SLC1A6: variants seen among roughly 807,000 people sequenced by gnomAD.
The protein encoded by SLC1A6 is solute carrier family 1 member 6.
In SLC1A6, 15 loss-of-function variants were observed where a neutral mutation model predicts 42.1. The observed-to-expected ratio is 0.36, with a 90% CI of 0.24 to 0.55. The LOEUF (loss-of-function observed/expected upper bound fraction) is 0.55. Ranked by LOEUF, SLC1A6 falls within the 20% of genes least tolerant of loss-of-function variation. SLC1A6 has a pLI of 0.88. For missense variants in SLC1A6, 542 were observed against 772.5 expected (o/e 0.70, Z 3.54); for synonymous variants, 317 against 319.7 (o/e 0.99, Z 0.09).
chr19:14,989,787 T>C (rs1466916617), intron 1 of SLC1A6, among the ~76,000 whole-genome samples: 1 of 147,106 alleles, frequency 6.8e-6, no homozygotes, highest in Admixed American at 6.8e-5. Flanking sequence ...AGGTTAGGAG[T>C]TCGAGACCAG....
chr19:14,981,619 T>C (rs1005059057), upstream of SLC1A6, among the ~76,000 whole-genome samples: 2 of 152,192 alleles, frequency 1.3e-5, no homozygotes, highest in Non-Finnish European at 2.9e-5. Flanking sequence ...TTGGATGTGC[T>C]AGAGGCTGGA....
chr19:14,990,509 C>T (rs532542846), intron 1 of SLC1A6, among the ~76,000 whole-genome samples: 3 of 152,280 alleles, frequency 2.0e-5, no homozygotes, highest in East Asian at 3.9e-4. Context: ...GTGGCTCATG[C>T]CTGTAGTCCC....
At chr19:14,991,950 C>T (rs113953259) in intron 1 of SLC1A6, among the ~76,000 whole-genome samples, 24,038 of 151,902 alleles carry the variant, frequency 0.16, 2,125 homozygotes, top group Middle Eastern at 0.23. Context: ...CTCAGCCTCC[C>T]GAGTAGCTGG....
intron 1 of SLC1A6, among the ~76,000 whole-genome samples, chr19:14,988,282 C>T (rs2045802577): frequency 6.6e-6 from 1 of 152,170 alleles, no homozygotes; most frequent in Non-Finnish European, 1.5e-5. Flanking sequence ...CCCCAGCTGT[C>T]TTATTTGTGT....
At position 14,979,050 on chromosome 19, in the gene SLC1A6, TCACA is replaced by T. The variant is rs56317513; in HGVS notation, c.-8+255_-8+258del. ...CAAATTCAGTCTCTCTCTCTCTCTG[TCACA>T]CACACACACACACACACACACACAC... On this transcript the variant is annotated intron_variant, in intron 1 of 9. Transcript: ENST00000594383. The surrounding 1 kb of genome is among the most constrained non-coding windows in gnomAD (Gnocchi z 4.2). 0.059 allele frequency among the ~76,000 whole-genome samples: 7,700 copies of T among 131,268 alleles called. 305 individuals carry two copies. Among genetic ancestry groups the T allele is most frequent in the African/African-American group, 0.094 (3,292 of 35,164 alleles). 86.1% of individuals were successfully genotyped at this position (131,268 alleles called of 152,430 possible).
At chr19:14,990,923 G>A (rs1167543610) in intron 1 of SLC1A6, among the ~76,000 whole-genome samples, 1 of 152,152 alleles carries the variant, frequency 6.6e-6, no homozygotes, top group East Asian at 1.9e-4. Flanking sequence ...GTGAACTTTG[G>A]AAGGCAATGC....
intron 1 of SLC1A6, among the ~76,000 whole-genome samples, chr19:15,002,278 TTTGGG>T (rs1446997900): frequency 1.3e-5 from 2 of 151,838 alleles, no homozygotes; most frequent in African/African-American, 4.8e-5. Context: ...TTTGGTTTGG[TTTGGG>T]TTGGGTTTTT....
intron 6 of SLC1A6, 118 bp downstream of exon 6, chr19:14,961,884 A>G: frequency 6.9e-7 from 1 of 1,447,512 alleles, no homozygotes; most frequent in Non-Finnish European, 9.1e-7. Context: ...TGGGTAAGTG[A>G]ATCACCCAAT....
chr19:14,956,045 A>G (rs2045459781), intron 7 of SLC1A6, among the ~76,000 whole-genome samples: 1 of 152,234 alleles, frequency 6.6e-6, no homozygotes, highest in Non-Finnish European at 1.5e-5. Context: ...CTACAAAAGA[A>G]GAAGAGGAGG....
chr19:14,956,983 C>A (rs572930627), intron 6 of SLC1A6, among the ~76,000 whole-genome samples: 33 of 152,276 alleles, frequency 2.2e-4, no homozygotes, highest in African/African-American at 7.7e-4. Flanking sequence ...TTTCAGGTCT[C>A]TCCTGTACCT....
intron 1 of SLC1A6, chr19:14,977,369 CA>C (rs2045722907): frequency 6.6e-6 from 1 of 152,198 alleles, no homozygotes; most frequent in East Asian, 1.9e-4. Flanking sequence ...TTTCAAGCTA[CA>C]ATGCCTGAGT....
At chr19:14,968,243 T>C in intron 4 of SLC1A6, 60 bp downstream of exon 4, 1 of 1,358,738 alleles carries the variant, frequency 7.4e-7, no homozygotes. Flanking sequence ...TATAATCTTT[T>C]ACAATAAATA....
intron 7 of SLC1A6, 50 bp downstream of exon 7, chr19:14,956,426 G>T: frequency 1.6e-6 from 2 of 1,266,466 alleles, no homozygotes; most frequent in South Asian, 1.5e-5. Context: ...GGACATGAAG[G>T]ACAAGAAGTG....
chr19:14,955,460 T>TA (rs1427605973), intron 7 of SLC1A6, among the ~76,000 whole-genome samples: 1 of 149,904 alleles, frequency 6.7e-6, no homozygotes. Flanking sequence ...CCGGGAGGGC[T>TA]AAAAAATTAG....
At position 14,996,567 on chromosome 19, in the gene SLC1A6, C is replaced by CTTCTTCTTCTTCTTCTTA. The variant is rs1214405552; in HGVS notation, c.6+13917_6+13918insTAAGAAGAAGAAGAAGAA. ...TCTTCTTCTTCTTCTTCTTGTTCTT[C>CTTCTTCTTCTTCTTCTTA]TTCCTCTTCTTCTTCTTCCTCTCAT... is the stretch of plus-strand genomic sequence containing the variant. On this transcript the variant is annotated intron_variant, in intron 1 of 8. Transcript: ENST00000430939. Among the ~76,000 whole-genome samples, 103 of 150,600 alleles carry CTTCTTCTTCTTCTTCTTA rather than the reference C, an allele frequency of 6.8e-4. 1 individual carries two copies. Among genetic ancestry groups the CTTCTTCTTCTTCTTCTTA allele is most frequent in the Non-Finnish European group, 1.1e-3 (73 of 67,780 alleles).
intron 1 of SLC1A6, among the ~76,000 whole-genome samples, chr19:14,990,789 A>C (rs199895139): frequency 1.1e-3 from 119 of 109,692 alleles, no homozygotes; most frequent in Middle Eastern, 4.5e-3. Context: ...AACAAAACAA[A>C]AAAAAAAAAA....
chr19:14,999,397 C>T (rs918887735), intron 1 of SLC1A6, among the ~76,000 whole-genome samples: 2 of 152,194 alleles, frequency 1.3e-5, no homozygotes, highest in Non-Finnish European at 2.9e-5. Flanking sequence ...CTCAAGTTGT[C>T]CCGTCTTTCT....
chr19:14,999,858 ATTATAC>A lies in SLC1A6; in HGVS notation c.6+10621_6+10626del, dbSNP rs796694055. Among the ~76,000 whole-genome samples the A allele has an allele frequency of 3.6e-3, 553 of 152,216 alleles. 3 individuals are homozygous for A. Among genetic ancestry groups the A allele is most frequent in the African/African-American group, 0.013 (531 of 41,538 alleles). On this transcript the variant is annotated intron_variant, in intron 1 of 8. Transcript: ENST00000430939. ...AAAATAGGTTTTTTTGTTTTTTATTATTATACTTTAAGTTTTAGGGTACATGTGCAC... is the reference window on the plus strand; with the variant it reads ...AAAATAGGTTTTTTTGTTTTTTATTATTTAAGTTTTAGGGTACATGTGCAC...
At chr19:15,002,567 C>T (rs981765601) in intron 1 of SLC1A6, among the ~76,000 whole-genome samples, 1 of 152,168 alleles carries the variant, frequency 6.6e-6, no homozygotes, top group Admixed American at 6.5e-5. Flanking sequence ...ACAAGTGACA[C>T]ATCAGGTCCA....
Sources: allele counts gnomAD v4.1 joint callset (sites outside exome capture counted in the v4.1 genomes callset), GRCh38; gene constraint gnomAD v4.1.1; non-coding constraint Gnocchi (gnomAD v3.1); transcripts MANE v1.5; gene names NCBI Gene and HGNC (gene_info 2026-07-23, HGNC 2026-07-21).